The following ERBB4 variants were observed in gnomAD, a reference collection of about 807,000 sequenced individuals.
The protein encoded by ERBB4 is erb-b2 receptor tyrosine kinase 4.
In ERBB4, 42 loss-of-function variants were observed where a neutral mutation model predicts 158.0. The ratio of observed to expected loss-of-function variants is 0.27; its 90% CI spans 0.21 to 0.34. The LOEUF (loss-of-function observed/expected upper bound fraction) is 0.34. Among genes scored for constraint, ERBB4 ranks in the 10% least tolerant of loss-of-function variants. The pLI is 1.00. For synonymous variants in ERBB4, 583 were observed against 558.7 expected, an observed-to-expected ratio of 1.04 and a Z score of -0.61; for missense variants, 1,333 against 1,624.1, an observed-to-expected ratio of 0.82 and a Z score of 3.08.
intron 1 of ERBB4, among the ~76,000 whole-genome samples, chr2:212,411,568 C>CA (rs1248044405): frequency 8.5e-5 from 13 of 152,068 alleles, no homozygotes; most frequent in Non-Finnish European, 1.9e-4. Flanking sequence ...TTGCCAATGC[C>CA]AATTTTTAAA....
chr2:212,529,008 T>C (rs1692600504), intron 1 of ERBB4, among the ~76,000 whole-genome samples: 1 of 152,168 alleles, frequency 6.6e-6, no homozygotes, highest in South Asian at 2.1e-4. Context: ...CATGAAATAT[T>C]TATTAACATT....
At chr2:211,697,921 A>AGAT (rs1468173671) in intron 12 of ERBB4, among the ~76,000 whole-genome samples, 3 of 152,234 alleles carry the variant, frequency 2.0e-5, no homozygotes, top group Non-Finnish European at 4.4e-5. Context: ...TTCATAAACT[A>AGAT]GATACACATC....
chr2:211,867,149 T>C (rs2078230916), intron 3 of ERBB4, among the ~76,000 whole-genome samples: 1 of 150,128 alleles, frequency 6.7e-6, no homozygotes, highest in Admixed American at 6.7e-5. Flanking sequence ...ACTAATTCCA[T>C]ACATTTATTA....
intron 3 of ERBB4, among the ~76,000 whole-genome samples, chr2:211,913,904 A>G: frequency 6.6e-6 from 1 of 151,798 alleles, no homozygotes; most frequent in Admixed American, 6.6e-5. Flanking sequence ...AAATAAAACA[A>G]TAGAAAATAG....
At chr2:212,322,300 A>G (rs2087602824) in intron 1 of ERBB4, among the ~76,000 whole-genome samples, 1 of 150,174 alleles carries the variant, frequency 6.7e-6, no homozygotes, top group African/African-American at 2.4e-5. Flanking sequence ...CATAATAGGG[A>G]TAGTAAGAGC....
intron 20 of ERBB4, among the ~76,000 whole-genome samples, chr2:211,530,374 G>A (rs114626480): frequency 0.082 from 12,526 of 152,086 alleles, 639 homozygotes; most frequent in African/African-American, 0.15. Flanking sequence ...GATACTCCAT[G>A]TTCATGAACC....
chr2:212,481,572 T>C (rs1490660664), intron 1 of ERBB4, among the ~76,000 whole-genome samples: 1 of 152,166 alleles, frequency 6.6e-6, no homozygotes, highest in Non-Finnish European at 1.5e-5. Context: ...CAATGGGAAA[T>C]GTACCCCTTG....
intron 2 of ERBB4, among the ~76,000 whole-genome samples, chr2:212,082,503 A>C (rs147543166): frequency 6.6e-6 from 1 of 152,202 alleles, no homozygotes; most frequent in African/African-American, 2.4e-5. Context: ...AAAATGGCAT[A>C]TGTGGGTATT....
At chr2:211,467,504 A>G (rs2064723372) in intron 20 of ERBB4, among the ~76,000 whole-genome samples, 1 of 152,166 alleles carries the variant, frequency 6.6e-6, no homozygotes, top group Non-Finnish European at 1.5e-5. Flanking sequence ...CTACGTTCAC[A>G]GTGCTTCCAC....
intron 1 of ERBB4, among the ~76,000 whole-genome samples, chr2:212,296,323 A>G (rs79246239): frequency 0.015 from 2,220 of 152,022 alleles, 49 homozygotes; most frequent in African/African-American, 0.051. Context: ...GGAGAATTAT[A>G]GAAAGGAACA....
chr2:211,746,165 C>G (rs2074966543), intron 5 of ERBB4, among the ~76,000 whole-genome samples: 1 of 151,664 alleles, frequency 6.6e-6, no homozygotes, highest in Admixed American at 6.6e-5. Context: ...CCTGTAATCC[C>G]AGCACTTTGG....
intron 1 of ERBB4, among the ~76,000 whole-genome samples, chr2:212,305,122 T>A (rs1187600618): frequency 1.3e-5 from 2 of 151,470 alleles, no homozygotes; most frequent in Non-Finnish European, 3.0e-5. Context: ...TAATGGTTGA[T>A]CCAGTCTCCT....
intron 1 of ERBB4, among the ~76,000 whole-genome samples, chr2:212,424,584 C>T (rs2091865144): frequency 6.6e-6 from 1 of 152,106 alleles, no homozygotes; most frequent in African/African-American, 2.4e-5. Flanking sequence ...AGTATATATA[C>T]TAAAACTTTG....
At chr2:211,983,002 G>A (rs148186775) in intron 2 of ERBB4, among the ~76,000 whole-genome samples, 7 of 152,218 alleles carry the variant, frequency 4.6e-5, no homozygotes, top group African/African-American at 1.2e-4. Flanking sequence ...ATATATTGAC[G>A]TGAGTCATGA....
At chr2:211,419,290 A>AGTTT (rs2063462011) in intron 25 of ERBB4, among the ~76,000 whole-genome samples, 1 of 152,076 alleles carries the variant, frequency 6.6e-6, no homozygotes, top group Non-Finnish European at 1.5e-5. Flanking sequence ...AACCTCATGA[A>AGTTT]GTTTGTTTAA....
chr2:212,052,683 C>A (rs1471081430), intron 2 of ERBB4, among the ~76,000 whole-genome samples: 2 of 152,152 alleles, frequency 1.3e-5, no homozygotes, highest in African/African-American at 4.8e-5. Context: ...TTTGTCTCAT[C>A]TGACTTCCTT....
At chr2:212,369,891 C>G (rs2090026658) in intron 1 of ERBB4, among the ~76,000 whole-genome samples, 1 of 152,052 alleles carries the variant, frequency 6.6e-6, no homozygotes, top group African/African-American at 2.4e-5. Flanking sequence ...CAAGTTATCT[C>G]TTTTGCTTCA....
chr2:211,954,975 C>T (rs772489124), intron 2 of ERBB4, among the ~76,000 whole-genome samples: 3 of 151,850 alleles, frequency 2.0e-5, no homozygotes, highest in Admixed American at 6.6e-5. Flanking sequence ...TTCATTTTTC[C>T]CATTGTTTTT....
At chr2:212,378,850 T>A (rs1449113844) in intron 1 of ERBB4, among the ~76,000 whole-genome samples, 1 of 151,812 alleles carries the variant, frequency 6.6e-6, no homozygotes, top group Non-Finnish European at 1.5e-5. Context: ...GCATTGCCAT[T>A]TATGCTAAAT....
Sources: gnomAD v4.1 joint callset for allele counts (sites outside exome capture counted in the v4.1 genomes callset) on GRCh38, gnomAD v4.1.1 for gene constraint, MANE v1.5 for transcripts, NCBI Gene and HGNC (gene_info 2026-07-23, HGNC 2026-07-21) for gene names.